CCDC7: variants seen among roughly 807,000 people sequenced by gnomAD.
CCDC7 encodes coiled-coil domain containing 7.
A neutral mutation model predicts 196.9 loss-of-function variants in CCDC7; 183 were observed. The ratio of observed to expected loss-of-function variants is 0.93; its 90% CI spans 0.82 to 1.05. CCDC7 has a LOEUF of 1.05. Ranked by LOEUF, CCDC7 falls within the 50% of genes least tolerant of loss-of-function variation. The pLI, the probability that CCDC7 is intolerant of heterozygous loss-of-function variation, is 0.00. For missense variants in CCDC7, 1,540 were observed against 1,482.2 expected (o/e 1.04, Z -0.64); for synonymous variants, 525 against 484.6 (o/e 1.08, Z -1.10).
intron 3 of CCDC7, among the ~76,000 whole-genome samples, chr10:32,462,012 T>A (rs182846609): frequency 3.4e-4 from 52 of 151,938 alleles, no homozygotes; most frequent in African/African-American, 1.2e-3. Context: ...CTTCAGGTGA[T>A]CCACCTGCCT....
rs553965408 is a variant in CCDC7, at chr10:32,797,733, G to C, written c.3014-7282G>C. ...AATTTGCTAGTGGGTCATTAGGGGT[G>C]ATGGTGAGTGGTGCCACTTCCACCC... On this transcript the variant is annotated intron_variant, in intron 29 of 41. Coordinates refer to ENST00000639629, the Ensembl canonical transcript of CCDC7. 5.3e-5 allele frequency among the ~76,000 whole-genome samples: 7 copies of C among 132,318 alleles called. No homozygotes were observed. The South Asian group carries it at 1.4e-3, about 27-fold the overall frequency. The allele number at this position is 132,318 out of a possible 152,430, so 86.8% of individuals were successfully genotyped here.
At chr10:32,755,193 G>C (rs891864607) in intron 28 of CCDC7, among the ~76,000 whole-genome samples, 1 of 152,218 alleles carries the variant, frequency 6.6e-6, no homozygotes, top group Non-Finnish European at 1.5e-5. Flanking sequence ...TCTGGGGGCA[G>C]GGTAGAGCTG....
At chr10:32,519,893 A>G (rs1385819127) in intron 11 of CCDC7, among the ~76,000 whole-genome samples, 1 of 152,022 alleles carries the variant, frequency 6.6e-6, no homozygotes, top group Non-Finnish European at 1.5e-5. Flanking sequence ...GCCTCTGGTA[A>G]CCATCCTTCT....
At chr10:32,516,373 C>T (rs1023891167) in intron 9 of CCDC7, among the ~76,000 whole-genome samples, 1 of 151,976 alleles carries the variant, frequency 6.6e-6, no homozygotes, top group South Asian at 2.1e-4. Context: ...CTGCAACCTC[C>T]ACCTCCTGGG....
chr10:32,749,877 C>G (rs755109969), intron 28 of CCDC7, among the ~76,000 whole-genome samples: 1 of 152,128 alleles, frequency 6.6e-6, no homozygotes, highest in South Asian at 2.1e-4. Context: ...CCACTTAGGT[C>G]AAGAAATAGA....
intron 24 of CCDC7, among the ~76,000 whole-genome samples, chr10:32,701,129 G>T (rs1402940230): frequency 6.6e-6 from 1 of 152,156 alleles, no homozygotes; most frequent in Admixed American, 6.5e-5. Context: ...TCCCTGTCTT[G>T]TGCCAGTTTT....
At chr10:32,700,424 T>C (rs1339434617) in intron 24 of CCDC7, among the ~76,000 whole-genome samples, 1 of 150,622 alleles carries the variant, frequency 6.6e-6, no homozygotes, top group Non-Finnish European at 1.5e-5. Context: ...ATCTCTGTTT[T>C]GGTACCAGTA....
chr10:32,470,066 T>G (rs1042950030), intron 5 of CCDC7, among the ~76,000 whole-genome samples: 3 of 152,222 alleles, frequency 2.0e-5, no homozygotes, highest in Non-Finnish European at 2.9e-5. Flanking sequence ...ACCTATTCTG[T>G]GTTCCTTGCC....
rs189575259 is a variant in CCDC7 at position 32,638,710 on chromosome 10, G to T, written c.2014+3552G>T. 4.8e-3 allele frequency among the ~76,000 whole-genome samples: 729 copies of T among 152,276 alleles called. 13 individuals carry two copies. The highest frequency in any genetic ancestry group is 0.017 in the African/African-American group (705 of 41,550). ...AATTCTCTTTTCTTGTTGTGTCTCTGTCAGGCTTTGGTATCAGGATGATGC... is the reference window on the plus strand; with the variant it reads ...AATTCTCTTTTCTTGTTGTGTCTCTTTCAGGCTTTGGTATCAGGATGATGC... On this transcript the variant is annotated intron_variant, in intron 20 of 41. Coordinates refer to ENST00000639629, the Ensembl canonical transcript of CCDC7.
chr10:32,838,602 T>A lies in CCDC7; in HGVS notation c.3352+3704T>A, dbSNP rs192072281. Among the ~76,000 whole-genome samples the A allele has an allele frequency of 4.5e-3, 680 of 152,134 alleles. 2 individuals carry two copies. The highest frequency in any genetic ancestry group is 6.8e-3 in the Middle Eastern group (2 of 294). On this transcript the variant is annotated intron_variant, in intron 33 of 41. Coordinates refer to ENST00000639629, the Ensembl canonical transcript of CCDC7. ...AAAACTTCTCCAACCTTGCTAGAGA[T>A]ATAGACATCCAAACACAAGAAGCTC... is the stretch of plus-strand genomic sequence containing the variant.
intron 18 of CCDC7, among the ~76,000 whole-genome samples, chr10:32,591,437 A>T (rs1240780032): frequency 1.3e-5 from 2 of 152,020 alleles, no homozygotes; most frequent in Non-Finnish European, 2.9e-5. Context: ...AAAAGGGCAA[A>T]TTTAAGGATT....
intron 24 of CCDC7, among the ~76,000 whole-genome samples, chr10:32,708,172 T>C (rs1195585284): frequency 6.6e-6 from 1 of 152,008 alleles, no homozygotes; most frequent in Non-Finnish European, 1.5e-5. Flanking sequence ...ATACCACACA[T>C]CTACACCCAT....
intron 33 of CCDC7, among the ~76,000 whole-genome samples, chr10:32,837,446 G>A (rs894609834): frequency 6.6e-6 from 1 of 152,134 alleles, no homozygotes; most frequent in African/African-American, 2.4e-5. Context: ...AGAGGATGTG[G>A]AGAAATAGGA....
intron 29 of CCDC7, among the ~76,000 whole-genome samples, chr10:32,797,975 T>G (rs983159408): frequency 2.0e-4 from 31 of 152,324 alleles, no homozygotes; most frequent in African/African-American, 7.5e-4. Context: ...GACCAGTGAA[T>G]TCCATGAGCA....
intron 41 of CCDC7, among the ~76,000 whole-genome samples, chr10:32,862,829 A>C (rs2094056630): frequency 6.6e-6 from 1 of 152,112 alleles, no homozygotes; most frequent in South Asian, 2.1e-4. Context: ...TACAAAATCA[A>C]CATACAAAAA....
At chr10:32,733,598 T>C (rs1010130260) in intron 28 of CCDC7, among the ~76,000 whole-genome samples, 26 of 152,100 alleles carry the variant, frequency 1.7e-4, no homozygotes, top group Non-Finnish European at 3.1e-4. Flanking sequence ...ATATGTCTTT[T>C]GTATACATCT....
chr10:32,503,795 C>T (rs574446162), intron 9 of CCDC7, among the ~76,000 whole-genome samples: 113 of 152,152 alleles, frequency 7.4e-4, no homozygotes, highest in African/African-American at 2.6e-3. Flanking sequence ...TATTGATTGA[C>T]ACTTCTTGGT....
chr10:32,472,039 A>G (rs1381344171), intron 6 of CCDC7, among the ~76,000 whole-genome samples: 1 of 152,196 alleles, frequency 6.6e-6, no homozygotes, highest in Non-Finnish European at 1.5e-5. Context: ...GAATAAACTG[A>G]AGCCAATAGA....
intron 9 of CCDC7, chr10:32,513,856 T>G (rs1265124350): frequency 6.6e-6 from 1 of 152,208 alleles, no homozygotes; most frequent in East Asian, 1.9e-4. Context: ...CTTAACCTGA[T>G]GAAGGCCATC....
Sources: allele counts gnomAD v4.1 joint callset (sites outside exome capture counted in the v4.1 genomes callset), GRCh38; gene constraint gnomAD v4.1.1; transcripts MANE v1.5; gene names NCBI Gene and HGNC (gene_info 2026-07-23, HGNC 2026-07-21).